The following LDLRAD4 variants were observed in gnomAD, a reference collection of about 807,000 sequenced individuals.
The protein encoded by LDLRAD4 is low density lipoprotein receptor class A domain containing 4, also known as low-density lipoprotein receptor class A domain-containing protein 4.
In LDLRAD4, 5 loss-of-function variants were observed where a neutral mutation model predicts 17.0. That is an observed-to-expected ratio of 0.29 (90% CI 0.15 to 0.62). LDLRAD4 has a LOEUF of 0.62. Among genes scored for constraint, LDLRAD4 ranks in the 20% least tolerant of loss-of-function variants. The pLI is 0.84. For synonymous variants in LDLRAD4, 168 were observed against 171.8 expected (o/e 0.98, Z 0.17); for missense variants, 340 against 424.7 (o/e 0.80, Z 1.75).
chr18:13,583,342 G>A (rs1418122899), intron 3 of LDLRAD4, among the ~76,000 whole-genome samples: 1 of 152,104 alleles, frequency 6.6e-6, no homozygotes, highest in African/African-American at 2.4e-5. Flanking sequence ...GGTGGAGAGA[G>A]GATGGCTGAC....
chr18:13,531,320 C>T (rs936599948), intron 3 of LDLRAD4, among the ~76,000 whole-genome samples: 2 of 152,000 alleles, frequency 1.3e-5, no homozygotes, highest in African/African-American at 2.4e-5. Flanking sequence ...ACACTTTGGC[C>T]GTGCGCACTG....
chr18:13,328,613 G>A (rs2081664056), intron 1 of LDLRAD4, among the ~76,000 whole-genome samples: 1 of 152,176 alleles, frequency 6.6e-6, no homozygotes, highest in Admixed American at 6.5e-5. Flanking sequence ...GGATCTTAGT[G>A]TTTATTGAGC....
At chr18:13,383,764 C>T (rs2145151208) in intron 1 of LDLRAD4, among the ~76,000 whole-genome samples, 1 of 152,266 alleles carries the variant, frequency 6.6e-6, no homozygotes, top group Non-Finnish European at 1.5e-5. Flanking sequence ...GCCTGTTGGT[C>T]ACCTGACACA....
chr18:13,227,641 C>T (rs1296040048), intron 1 of LDLRAD4, among the ~76,000 whole-genome samples: 1 of 152,204 alleles, frequency 6.6e-6, no homozygotes, highest in African/African-American at 2.4e-5. Flanking sequence ...ACTCACAGTT[C>T]CACGTGGCTG....
chr18:13,247,225 A>G (rs895772808), intron 1 of LDLRAD4, among the ~76,000 whole-genome samples: 7 of 152,200 alleles, frequency 4.6e-5, no homozygotes, highest in Non-Finnish European at 8.8e-5. Flanking sequence ...TTTTTTACAA[A>G]AAGCTTTGTT....
At chr18:13,290,629 T>C (rs954707097) in intron 1 of LDLRAD4, among the ~76,000 whole-genome samples, 1 of 152,188 alleles carries the variant, frequency 6.6e-6, no homozygotes, top group African/African-American at 2.4e-5. Context: ...TGTAAAAAAT[T>C]AGGGTATCTT....
chr18:13,534,033 CG>C (rs1372229740), intron 3 of LDLRAD4, among the ~76,000 whole-genome samples: 1 of 152,266 alleles, frequency 6.6e-6, no homozygotes, highest in Non-Finnish European at 1.5e-5. Flanking sequence ...TGGCACTCCA[CG>C]CTGCCTGCCT....
intron 3 of LDLRAD4, among the ~76,000 whole-genome samples, chr18:13,499,506 G>C (rs1193690212): frequency 1.8e-5 from 2 of 108,128 alleles, no homozygotes; most frequent in East Asian, 2.9e-4. Flanking sequence ...AATCCTTCTT[G>C]CCACACACGT....
At chr18:13,507,205 G>A (rs1022447250) in intron 3 of LDLRAD4, among the ~76,000 whole-genome samples, 1 of 152,086 alleles carries the variant, frequency 6.6e-6, no homozygotes, top group East Asian at 1.9e-4. Flanking sequence ...TGGGGAACAG[G>A]TGGTTTTGGT....
intron 1 of LDLRAD4, among the ~76,000 whole-genome samples, chr18:13,292,893 T>C (rs1599173584): frequency 6.6e-6 from 1 of 152,186 alleles, no homozygotes; most frequent in East Asian, 1.9e-4. Flanking sequence ...CTAGGAGTTT[T>C]CCAACCCCGG....
intron 3 of LDLRAD4, among the ~76,000 whole-genome samples, chr18:13,554,416 T>G (rs2094463907): frequency 6.6e-6 from 1 of 152,236 alleles, no homozygotes; most frequent in African/African-American, 2.4e-5. Flanking sequence ...AGTGCTATTT[T>G]AAGCATTTAC....
chr18:13,328,770 A>G (rs1367842638), intron 1 of LDLRAD4, among the ~76,000 whole-genome samples: 4 of 152,212 alleles, frequency 2.6e-5, no homozygotes, highest in Admixed American at 2.6e-4. Flanking sequence ...ATGTTTATTG[A>G]AAAGTTTCCC....
chr18:13,506,756 T>C (rs747943958), intron 3 of LDLRAD4, among the ~76,000 whole-genome samples: 4 of 152,180 alleles, frequency 2.6e-5, no homozygotes, highest in African/African-American at 4.8e-5. Context: ...AAATTTCTCA[T>C]TAGGGGCTAA....
At chr18:13,528,118 C>G (rs9946545) in intron 3 of LDLRAD4, among the ~76,000 whole-genome samples, 23 of 152,286 alleles carry the variant, frequency 1.5e-4, no homozygotes, top group African/African-American at 5.5e-4. Flanking sequence ...GACAACCTAC[C>G]TGGGCTTTCC....
chr18:13,278,553 A>G (rs2045039803), intron 1 of LDLRAD4, among the ~76,000 whole-genome samples: 1 of 152,160 alleles, frequency 6.6e-6, no homozygotes, highest in Non-Finnish European at 1.5e-5. Context: ...GATTTTAGTG[A>G]TGCTTATTCT....
chr18:13,399,318 C>T (rs1157030466), intron 2 of LDLRAD4, among the ~76,000 whole-genome samples: 1 of 152,216 alleles, frequency 6.6e-6, no homozygotes, highest in Non-Finnish European at 1.5e-5. Flanking sequence ...CTGTACCACA[C>T]CACCCTGTGT....
intron 1 of LDLRAD4, among the ~76,000 whole-genome samples, chr18:13,376,172 G>T (rs2084897992): frequency 6.6e-6 from 1 of 152,166 alleles, no homozygotes; most frequent in African/African-American, 2.4e-5. Flanking sequence ...GCGGGCACTG[G>T]CCTCTGTCTG....
intron 3 of LDLRAD4, among the ~76,000 whole-genome samples, chr18:13,597,072 G>T (rs1334597637): frequency 6.6e-6 from 1 of 152,114 alleles, no homozygotes; most frequent in African/African-American, 2.4e-5. Context: ...TCAACCTAAA[G>T]AAATTCCTTT....
chr18:13,570,710 C>T (rs1375673485), intron 3 of LDLRAD4, among the ~76,000 whole-genome samples: 1 of 152,260 alleles, frequency 6.6e-6, no homozygotes, highest in Admixed American at 6.5e-5. Flanking sequence ...TGTGCCAGGG[C>T]GAGCTCCACC....
Sources: allele counts gnomAD v4.1 joint callset (sites outside exome capture counted in the v4.1 genomes callset), GRCh38; gene constraint gnomAD v4.1.1; transcripts MANE v1.5; gene names NCBI Gene and HGNC (gene_info 2026-07-23, HGNC 2026-07-21).